GSN: variants seen among roughly 807,000 people sequenced by gnomAD.
GSN encodes the protein actin-depolymerizing factor.
GSN carries 56 observed loss-of-function variants against 85.7 expected under a neutral mutation model. The ratio of observed to expected loss-of-function variants is 0.65; its 90% CI spans 0.53 to 0.82. GSN has a LOEUF of 0.82. GSN is among the 40% of genes least tolerant of loss of function. GSN has a pLI of 0.00. For missense variants in GSN, 857 were observed against 979.8 expected (o/e 0.87, Z 1.67); for synonymous variants, 373 against 399.1 (o/e 0.93, Z 0.78).
intron 1 of GSN, among the ~76,000 whole-genome samples, chr9:121,270,789 T>C (rs541412485): frequency 6.6e-6 from 1 of 152,242 alleles, no homozygotes; most frequent in South Asian, 2.1e-4. Flanking sequence ...GTTTGGGTCA[T>C]TTGTGATGTG....
At chr9:121,306,083 C>T (rs978706646) in intron 4 of GSN, among the ~76,000 whole-genome samples, 1 of 152,140 alleles carries the variant, frequency 6.6e-6, no homozygotes, top group Non-Finnish European at 1.5e-5. Context: ...ATTCCCCGCC[C>T]CTCCTCCTCC....
intron 4 of GSN, among the ~76,000 whole-genome samples, chr9:121,214,343 A>G (rs1342776333): frequency 6.6e-6 from 1 of 151,708 alleles, no homozygotes; most frequent in African/African-American, 2.4e-5. Context: ...TCCATAAGCC[A>G]GAAACCAAAG....
chr9:121,254,136 T>G (rs1229790330), intron 6 of GSN, among the ~76,000 whole-genome samples: 2 of 152,172 alleles, frequency 1.3e-5, no homozygotes, highest in African/African-American at 2.4e-5. Context: ...AGAAAAAAGA[T>G]CATTTCCTTT....
intron 5 of GSN, among the ~76,000 whole-genome samples, chr9:121,232,711 G>T (rs965740680): frequency 1.1e-4 from 16 of 152,326 alleles, no homozygotes; most frequent in Non-Finnish European, 2.1e-4. Context: ...AAAAGTATTT[G>T]TGTTTGTGAA....
At chr9:121,206,677 C>T (rs1028845083), upstream of GSN, among the ~76,000 whole-genome samples, 8 of 151,434 alleles carry the variant, frequency 5.3e-5, no homozygotes, top group African/African-American at 9.7e-5. Context: ...CTTTGGCTGA[C>T]GACCAGAAGT....
At chr9:121,212,458 C>A (rs1724140718) in intron 4 of GSN, among the ~76,000 whole-genome samples, 1 of 152,106 alleles carries the variant, frequency 6.6e-6, no homozygotes, top group African/African-American at 2.4e-5. Flanking sequence ...TCTCTCCCTG[C>A]CAGGGAGTCA....
intron 3 of GSN, 93 bp downstream of exon 3, chr9:121,302,260 G>A: frequency 1.4e-6 from 2 of 1,394,952 alleles, no homozygotes; most frequent in Non-Finnish European, 2.0e-6. Context: ...ACTGATTATT[G>A]AGCACCTAGT....
rs1589269483 is a variant in GSN at position 121,332,034 on chromosome 9, T to G, written c.2027-400T>G. On this transcript the variant is annotated intron_variant, in intron 17 of 17. Coordinates refer to ENST00000432226, the MANE Select transcript of GSN (RefSeq NM_198252.3). The surrounding 1 kb of genome is among the most constrained non-coding windows in gnomAD (Gnocchi z 4.8). ...TCGCACCACTATACTGTAGCCTGGG[T>G]GACAGAATGAGATGGTGTCTCAAAA... 3.3e-6 allele frequency: 1 copy of G among 300,682 alleles called. No homozygotes were observed. Among genetic ancestry groups the G allele is most frequent in the Non-Finnish European group, 6.5e-6 (1 of 153,010 alleles). 18.6% of individuals were successfully genotyped at this position (300,682 alleles called of 1,614,324 possible).
chr9:121,290,703 G>A (rs1199249533), intron 2 of GSN, among the ~76,000 whole-genome samples: 1 of 152,186 alleles, frequency 6.6e-6, no homozygotes, highest in Non-Finnish European at 1.5e-5. Context: ...TACTTTCAAT[G>A]ACGAAAACTG....
intron 6 of GSN, among the ~76,000 whole-genome samples, chr9:121,251,275 G>A (rs932355077): frequency 6.0e-5 from 8 of 132,822 alleles, no homozygotes; most frequent in East Asian, 2.4e-4. Context: ...TCCGTCTCCC[G>A]GGTTCAAGTG....
Position 121,332,362 on chromosome 9 carries a change from A to T in GSN, c.2027-72A>T. On this transcript the variant is annotated intron_variant, in intron 17 of 17. Transcript: ENST00000432226. This position sits in a 1 kb window ranked among gnomAD's most constrained non-coding sequence, Gnocchi z 4.8. ...CTCTTCTTTGTCAACTCCTGTCCTG[A>T]GTCACCCTCTCCCTGGTGTGGGAGG... is the stretch of plus-strand genomic sequence containing the variant. 1.5e-6 allele frequency: 2 copies of T among 1,331,522 alleles called. No individual in the cohort carries two copies. Among genetic ancestry groups the T allele is most frequent in the Non-Finnish European group, 2.2e-6 (2 of 921,912 alleles). 82.5% of individuals were successfully genotyped at this position (1,331,522 alleles called of 1,614,324 possible).
chr9:121,317,676 G>A (rs1032516294), intron 8 of GSN: 9 of 266,436 alleles, frequency 3.4e-5, no homozygotes, highest in Middle Eastern at 1.4e-3. Flanking sequence ...AACTCTTTCG[G>A]TACTATCTTG....
intron 2 of GSN, among the ~76,000 whole-genome samples, chr9:121,298,170 G>A (rs2059393973): frequency 6.6e-6 from 1 of 151,788 alleles, no homozygotes; most frequent in African/African-American, 2.4e-5. Flanking sequence ...GACCCCTGCT[G>A]CCCTCTGCAG....
Position 121,299,370 on chromosome 9 carries a change from C to T in GSN, c.-9-2593C>T. 1 of 974,658 alleles carries T rather than the reference C, an allele frequency of 1.0e-6. No homozygotes were observed. The highest frequency in any genetic ancestry group is 1.2e-6 in the Non-Finnish European group (1 of 820,094). The allele number at this position is 974,658 out of a possible 1,614,324, so 60.4% of individuals were successfully genotyped here. On this transcript the variant is annotated intron_variant, in intron 2 of 17. Transcript: ENST00000432226. The surrounding 1 kb of genome is among the most constrained non-coding windows in gnomAD (Gnocchi z 4.2). The stretch of plus-strand genomic sequence containing the variant: ...GTTCAAATCCCGGCAGCACCATTTA[C>T]AAGCTGTGTGCAAGTTGCTTCACCA...
upstream of GSN, among the ~76,000 whole-genome samples, chr9:121,264,625 A>T (rs2055160892): frequency 6.6e-6 from 1 of 152,010 alleles, no homozygotes; most frequent in South Asian, 2.1e-4. Flanking sequence ...TGACCTCCAC[A>T]CCTTTGCTTA....
At chr9:121,252,404 T>C (rs949841865) in intron 6 of GSN, among the ~76,000 whole-genome samples, 1 of 152,216 alleles carries the variant, frequency 6.6e-6, no homozygotes, top group Admixed American at 6.5e-5. Context: ...GAAATGAAGC[T>C]GGAGGGGCTC....
At chr9:121,227,577 T>C (rs2054294438) in intron 4 of GSN, among the ~76,000 whole-genome samples, 2 of 152,124 alleles carry the variant, frequency 1.3e-5, no homozygotes, top group Admixed American at 6.5e-5. Context: ...GGAAACAGTC[T>C]TGTGGGACTG....
Position 121,299,760 on chromosome 9 carries a change from T to C in GSN, c.-9-2203T>C, listed in dbSNP as rs2059589614. The C allele has an allele frequency of 1.7e-6, 2 of 1,162,120 alleles. No homozygotes were observed. Among genetic ancestry groups the C allele is most frequent in the African/African-American group, 3.3e-5 (2 of 61,030 alleles). The allele number at this position is 1,162,120 out of a possible 1,614,324, so 72.0% of individuals were successfully genotyped here. ...ACAGATCCCCGCCCCGCGCCCTCCCTGGGGGGCGGTCCCCGGCTTGGGCGG... is the reference window on the plus strand; with the variant it reads ...ACAGATCCCCGCCCCGCGCCCTCCCCGGGGGGCGGTCCCCGGCTTGGGCGG... On this transcript the variant is annotated intron_variant, in intron 2 of 17. Transcript: ENST00000432226. The surrounding 1 kb of genome is among the most constrained non-coding windows in gnomAD (Gnocchi z 4.2).
In GSN at chr9:121,233,795, A is replaced by G. The variant is rs540128874; in HGVS notation, c.-389+2492A>G. Among the ~76,000 whole-genome samples the G allele has an allele frequency of 2.0e-5, 3 of 152,364 alleles. No individual in the cohort carries two copies. The East Asian group carries it at 5.8e-4, about 29-fold the overall frequency. Reference sequence around the variant, plus strand: ...TATAGCTAGCAAGGCCTAGAGTCTCAGGACAGGAAGTCTAACATTTGGAGA... The same window carrying G: ...TATAGCTAGCAAGGCCTAGAGTCTCGGGACAGGAAGTCTAACATTTGGAGA... On this transcript the variant is annotated intron_variant, in intron 5 of 24. Transcript: ENST00000373823.
Sources: gnomAD v4.1 joint callset for allele counts (sites outside exome capture counted in the v4.1 genomes callset) on GRCh38, gnomAD v4.1.1 for gene constraint, Gnocchi (gnomAD v3.1) non-coding constraint, MANE v1.5 for transcripts, NCBI Gene and HGNC (gene_info 2026-07-23, HGNC 2026-07-21) for gene names.